The following SIGLEC15 variants were observed in gnomAD, a reference collection of about 807,000 sequenced individuals.
The protein encoded by SIGLEC15 is sialic acid binding Ig like lectin 15.
In SIGLEC15, 31 loss-of-function variants were observed where a neutral mutation model predicts 26.2. The observed-to-expected ratio is 1.18, with a 90% CI of 0.89 to 1.60. The LOEUF (loss-of-function observed/expected upper bound fraction) is 1.60. Among genes scored for constraint, SIGLEC15 ranks in the 40% most tolerant of loss-of-function variants. SIGLEC15 has a pLI of 0.00. For missense variants in SIGLEC15, 501 were observed against 488.4 expected (o/e 1.03, Z -0.24); for synonymous variants, 207 against 221.9 (o/e 0.93, Z 0.60).
intron 3 of SIGLEC15, among the ~76,000 whole-genome samples, 191 bp downstream of exon 3, chr18:45,838,087 A>C (rs551700680): frequency 8.5e-5 from 13 of 152,334 alleles, no homozygotes; most frequent in African/African-American, 3.1e-4. Flanking sequence ...ACAAATGCAG[A>C]ATCCAGGTCC....
rs570710499 is a variant in SIGLEC15 at position 45,842,161 on chromosome 18, C to A, written c.961C>A (p.Pro321Thr). The A allele has an allele frequency of 2.1e-5, 34 of 1,614,182 alleles. No individual in the cohort carries two copies. In the East Asian group the frequency reaches 4.2e-4, roughly 20 times the overall value. ...ENLSQMNPRS[P>T]PATMCSP is the part of the protein sequence containing the mutation. ...TTTGAGCCAGATGAACCCCCGGAGC[C>A]CACCAGCCACCATGTGCTCACCGTG... Residue 321 changes from proline to threonine, a missense_variant, in exon 6 of 6, where the codon CCA (proline) becomes ACA (threonine). Transcript: ENST00000389474.
At chr18:45,836,603 G>A (rs923933995) in intron 1 of SIGLEC15, among the ~76,000 whole-genome samples, 1 of 152,198 alleles carries the variant, frequency 6.6e-6, no homozygotes, top group African/African-American at 2.4e-5. Flanking sequence ...ACACATCCAT[G>A]GTTCACAAGG....
chr18:45,830,583 C>CTTTTTTTTTTTTTTTTTTTTTTT (rs56404391), intron 1 of SIGLEC15, among the ~76,000 whole-genome samples: 2 of 96,702 alleles, frequency 2.1e-5, no homozygotes, highest in Non-Finnish European at 3.7e-5. Context: ...ATTTTTCTTT[C>CTTTTTTTTTTTTTTTTTTTTTTT]TTTTTTTTTT....
At chr18:45,834,773 G>A (rs1275625667) in intron 1 of SIGLEC15, among the ~76,000 whole-genome samples, 1 of 152,196 alleles carries the variant, frequency 6.6e-6, no homozygotes, top group East Asian at 1.9e-4. Flanking sequence ...ATGAATGCAC[G>A]ATAGCAAATA....
At chr18:45,838,585 T>C (rs2048295544) in intron 3 of SIGLEC15, 133 bp from the exon 4 acceptor site, 6 of 1,229,896 alleles carry the variant, frequency 4.9e-6, no homozygotes, top group South Asian at 3.2e-5. Context: ...CACATCTGTA[T>C]TGGGACGGGG....
Position 45,842,277 on chromosome 18 carries a change from G to A in SIGLEC15, c.*90G>A, listed in dbSNP as rs186549436. 1.8e-4 allele frequency: 258 copies of A among 1,464,790 alleles called. 2 individuals carry two copies. In the African/African-American group the frequency reaches 2.7e-3, roughly 15 times the overall value. The allele number at this position is 1,464,790 out of a possible 1,614,324, so 90.7% of individuals were successfully genotyped here. A position where few individuals can be genotyped will look rare whatever the true frequency, so the allele number is the denominator to read the frequency against. ...GCTGGCACAGCCAGTCCTGGTTCTC[G>A]GGCACCTTGGCAGCCCCCAGCTGGG... is the stretch of plus-strand genomic sequence containing the variant. On this transcript the variant is annotated 3_prime_UTR_variant, in exon 6 of 6. Transcript: ENST00000389474.
intron 5 of SIGLEC15, among the ~76,000 whole-genome samples, chr18:45,841,562 G>A (rs376596214): frequency 1.2e-4 from 18 of 152,292 alleles, no homozygotes; most frequent in African/African-American, 3.6e-4. Flanking sequence ...TTGGACAAAG[G>A]TGCAGGGGTG....
chr18:45,842,709 C>G lies in SIGLEC15; in HGVS notation c.*522C>G, dbSNP rs955805342. 1.9e-5 allele frequency: 3 copies of G among 157,132 alleles called. No homozygotes were observed. Among genetic ancestry groups the G allele is most frequent in the African/African-American group, 7.2e-5 (3 of 41,510 alleles). 9.7% of individuals were successfully genotyped at this position (157,132 alleles called of 1,614,324 possible). A position where few individuals can be genotyped will look rare whatever the true frequency, so the allele number is the denominator to read the frequency against. ...TCCTGGCTGGGAGGACTACAAAGAT[C>G]TGAGGAAATAATGGATATGAAGGGG... On this transcript the variant is annotated 3_prime_UTR_variant, in exon 6 of 6. Coordinates refer to ENST00000389474, the MANE Select transcript of SIGLEC15 (RefSeq NM_213602.3).
rs2048285296 is a variant in SIGLEC15 at position 45,837,516 on chromosome 18, C to G, written c.116C>G (p.Ser39Trp). ...ENLLNTEVHSSPAQRWSMQVP... is the reference protein window; with the variant it reads ...ENLLNTEVHSWPAQRWSMQVP... Reference sequence around the variant, plus strand: ...ACGCAGCCCGCCCCGCCCTCAGGCTCGCCAGCGCAGCGCTGGTCCATGCAG... The same window carrying G: ...ACGCAGCCCGCCCCGCCCTCAGGCTGGCCAGCGCAGCGCTGGTCCATGCAG... Residue 39 changes from serine (S) to tryptophan (W), a missense_variant, in exon 3 of 6, where the codon TCG (serine) becomes TGG (tryptophan). Coordinates refer to ENST00000389474, the MANE Select transcript of SIGLEC15 (RefSeq NM_213602.3). The G allele has an allele frequency of 5.4e-6, 8 of 1,495,112 alleles. No homozygotes were observed. Among genetic ancestry groups the G allele is most frequent in the Non-Finnish European group, 6.2e-6 (7 of 1,131,292 alleles). The allele number at this position is 1,495,112 out of a possible 1,614,324, so 92.6% of individuals were successfully genotyped here. A position where few individuals can be genotyped will look rare whatever the true frequency, so the allele number is the denominator to read the frequency against.
intron 5 of SIGLEC15, among the ~76,000 whole-genome samples, chr18:45,841,470 C>T (rs989815837): frequency 6.6e-6 from 1 of 152,088 alleles, no homozygotes; most frequent in African/African-American, 2.4e-5. Context: ...TGGTTTTAAG[C>T]GGACGCATGG....
chr18:45,830,199 T>C (rs1171255380), intron 1 of SIGLEC15, among the ~76,000 whole-genome samples: 3 of 152,260 alleles, frequency 2.0e-5, no homozygotes, highest in African/African-American at 7.2e-5. Flanking sequence ...GGTGGAGATT[T>C]TGGTCAGCTG....
intron 2 of SIGLEC15, 118 bp downstream of exon 2, chr18:45,837,206 T>C (rs1458690049): frequency 1.3e-6 from 2 of 1,482,900 alleles, no homozygotes; most frequent in African/African-American, 2.8e-5. Flanking sequence ...GGTAAGAATA[T>C]GGGGTCAAGG....
At chr18:45,825,910 C>T (rs902327302) in intron 1 of SIGLEC15, 130 bp downstream of exon 1, 1 of 1,090,368 alleles carries the variant, frequency 9.2e-7, no homozygotes, top group Non-Finnish European at 1.4e-6. Context: ...GGAGGAAGAG[C>T]TGCGCTTGGG....
intron 1 of SIGLEC15, among the ~76,000 whole-genome samples, chr18:45,827,206 A>G (rs1437016436): frequency 6.6e-6 from 1 of 152,200 alleles, no homozygotes; most frequent in Non-Finnish European, 1.5e-5. Context: ...GTGAGCCACC[A>G]TGCCCGGCAG....
intron 4 of SIGLEC15, among the ~76,000 whole-genome samples, chr18:45,839,642 G>C (rs2048308378): frequency 6.6e-6 from 1 of 152,178 alleles, no homozygotes; most frequent in African/African-American, 2.4e-5. Context: ...TCTGGAGAAG[G>C]CTTCACACAA....
intron 5 of SIGLEC15, among the ~76,000 whole-genome samples, chr18:45,840,616 T>C (rs2048317806): frequency 6.6e-6 from 1 of 152,212 alleles, no homozygotes. Context: ...TCTGAGAGCC[T>C]AGGTGAGGGG....
intron 1 of SIGLEC15, among the ~76,000 whole-genome samples, chr18:45,835,516 A>T (rs890060285): frequency 1.3e-5 from 2 of 152,194 alleles, no homozygotes; most frequent in East Asian, 1.9e-4. Context: ...AGAAGAGAAA[A>T]AATAAAAGGC....
intron 1 of SIGLEC15, among the ~76,000 whole-genome samples, chr18:45,832,657 T>C (rs1044993640): frequency 1.3e-5 from 2 of 152,170 alleles, no homozygotes; most frequent in Non-Finnish European, 2.9e-5. Flanking sequence ...TGATGACCCC[T>C]GAAGGTTGAC....
chr18:45,830,396 G>C (rs1016508921), intron 1 of SIGLEC15, among the ~76,000 whole-genome samples: 9 of 152,150 alleles, frequency 5.9e-5, no homozygotes, highest in Non-Finnish European at 1.0e-4. Context: ...GCAATGATGT[G>C]AGAGCTAATG....
Sources: gnomAD v4.1 joint callset for allele counts (sites outside exome capture counted in the v4.1 genomes callset) on GRCh38, gnomAD v4.1.1 for gene constraint, MANE v1.5 for transcripts, NCBI Gene and HGNC (gene_info 2026-07-23, HGNC 2026-07-21) for gene names.